The following SORCS2 variants were observed in gnomAD, a reference collection of about 807,000 sequenced individuals.
SORCS2 encodes VPS10 domain-containing receptor SorCS2.
A neutral mutation model predicts 141.6 loss-of-function variants in SORCS2; 100 were observed. The ratio of observed to expected loss-of-function variants is 0.71; its 90% CI spans 0.60 to 0.83. SORCS2 has a LOEUF of 0.83. Among genes scored for constraint, SORCS2 ranks in the 40% least tolerant of loss-of-function variants. The pLI, the probability that SORCS2 is intolerant of heterozygous loss-of-function variation, is 0.00. For synonymous variants in SORCS2, 789 were observed against 676.9 expected, an observed-to-expected ratio of 1.17 and a Z score of -2.57; for missense variants, 1,646 against 1,560.2, an observed-to-expected ratio of 1.05 and a Z score of -0.93.
At chr4:7,490,643 C>G (rs1202981297) in intron 2 of SORCS2, among the ~76,000 whole-genome samples, 1 of 152,172 alleles carries the variant, frequency 6.6e-6, no homozygotes, top group Admixed American at 6.5e-5. Context: ...TCAGATAGCT[C>G]AGTTCCCAGT....
chr4:7,524,493 G>A (rs1045492103), intron 2 of SORCS2, among the ~76,000 whole-genome samples: 3 of 151,874 alleles, frequency 2.0e-5, no homozygotes, highest in Non-Finnish European at 2.9e-5. Flanking sequence ...CCTCCCCAGC[G>A]CCCCTCTAGA....
chr4:7,543,417 A>ATCCATCCG (rs1277357980), intron 3 of SORCS2, among the ~76,000 whole-genome samples: 4 of 24,896 alleles, frequency 1.6e-4, no homozygotes, highest in Non-Finnish European at 4.8e-4. Flanking sequence ...CCATCCATCT[A>ATCCATCCG]TCCATCCATC....
intron 4 of SORCS2, among the ~76,000 whole-genome samples, chr4:7,652,031 C>T (rs1310802807): frequency 2.0e-5 from 3 of 152,208 alleles, no homozygotes; most frequent in South Asian, 4.1e-4. Context: ...TTTGCGGTAG[C>T]GTTGCCAGCA....
intron 1 of SORCS2, among the ~76,000 whole-genome samples, chr4:7,380,955 G>T (rs1391678649): frequency 6.6e-6 from 1 of 151,802 alleles, no homozygotes; most frequent in Non-Finnish European, 1.5e-5. Context: ...GGTGGCAGGT[G>T]CCTGTAGTCC....
intron 2 of SORCS2, among the ~76,000 whole-genome samples, chr4:7,398,112 T>C (rs971815109): frequency 4.6e-5 from 7 of 152,200 alleles, no homozygotes; most frequent in Non-Finnish European, 1.0e-4. Context: ...TCTGCACTTA[T>C]ACGACGGAGT....
At position 7,193,050 on chromosome 4, in the gene SORCS2, T is replaced by G. The variant is rs749082637; in HGVS notation, c.404T>G (p.Ile135Ser). 2 of 1,540,624 alleles carry G rather than the reference T, an allele frequency of 1.3e-6. No homozygotes were observed. The highest frequency in any genetic ancestry group is 1.2e-5 in the South Asian group (1 of 84,672). ...GCTTCGCGGGCGCAGGTCTCGCTCA[T>G]CAGCACGTCGTTCGTGCTCAAGGGG... ...GVASRAQVSL[I>S]STSFVLKGDA... Residue 135 changes from isoleucine to serine, a missense_variant, in exon 1 of 27, where the codon ATC becomes AGC. Transcript: ENST00000507866. This position sits in a 1 kb window ranked among gnomAD's most constrained non-coding sequence, Gnocchi z 4.8.
chr4:7,626,381 T>G (rs976056403), intron 3 of SORCS2, among the ~76,000 whole-genome samples: 4 of 152,220 alleles, frequency 2.6e-5, no homozygotes, highest in African/African-American at 9.6e-5. Flanking sequence ...AAAATGTATT[T>G]AGTCATTCCA....
chr4:7,538,587 TCACACA>T (rs34526550), intron 3 of SORCS2, among the ~76,000 whole-genome samples: 5 of 150,570 alleles, frequency 3.3e-5, no homozygotes, highest in African/African-American at 4.9e-5. Context: ...AATATTAAAA[TCACACA>T]CACACACACA....
chr4:7,691,413 G>C (rs1347576037), intron 11 of SORCS2, among the ~76,000 whole-genome samples: 2 of 152,190 alleles, frequency 1.3e-5, no homozygotes, highest in South Asian at 2.1e-4. Context: ...AGAGTGCAGG[G>C]AGTGGCTGGA....
intron 12 of SORCS2, among the ~76,000 whole-genome samples, chr4:7,698,517 A>T (rs6816580): frequency 6.6e-6 from 1 of 152,158 alleles, no homozygotes; most frequent in Admixed American, 6.5e-5. Flanking sequence ...TAAAGGTCAC[A>T]TCTGTCCATT....
chr4:7,728,350 ATCAATT>A lies in SORCS2; in HGVS notation c.2875_2880del (p.Phe959_Gln960del). The A allele has an allele frequency of 6.2e-7, 1 of 1,611,514 alleles. No individual in the cohort carries two copies. The highest frequency in any genetic ancestry group is 8.5e-7 in the Non-Finnish European group (1 of 1,178,134). ...GTCTCCCTTCTCTGCGTCTTTCCAG[ATCAATT>A]TCAAGTCATGCCTCTGCAGTTTTCC... On this transcript the variant is annotated inframe_deletion and splice_region_variant, in exon 22 of 27. Transcript: ENST00000507866.
chr4:7,713,482 C>T (rs775052370), intron 15 of SORCS2, among the ~76,000 whole-genome samples: 7 of 152,126 alleles, frequency 4.6e-5, no homozygotes, highest in Non-Finnish European at 8.8e-5. Flanking sequence ...AAGACCATCA[C>T]GGTGGGTACA....
rs112497887 is a variant in SORCS2, at chr4:7,357,525, A to G, written c.481-38763A>G. 2.2e-3 allele frequency among the ~76,000 whole-genome samples: 335 copies of G among 152,340 alleles called. 3 individuals are homozygous for G. The highest frequency in any genetic ancestry group is 7.7e-3 in the African/African-American group (319 of 41,576). On this transcript the variant is annotated intron_variant, in intron 1 of 26. Coordinates refer to ENST00000507866, the MANE Select transcript of SORCS2 (RefSeq NM_020777.3). The stretch of plus-strand genomic sequence containing the variant: ...AAGTTTCCGGAGGCGTTGATTACGC[A>G]CTTCACGCGGAAATAATTGCTAATC...
At chr4:7,387,538 CACACATGCACAT>C (rs1723471690) in intron 1 of SORCS2, among the ~76,000 whole-genome samples, 1 of 150,108 alleles carries the variant, frequency 6.7e-6, no homozygotes, top group Non-Finnish European at 1.5e-5. Context: ...CACACATGCA[CACACATGCACAT>C]ACACATATGT....
chr4:7,672,328 T>G (rs1722848847), intron 8 of SORCS2, among the ~76,000 whole-genome samples: 1 of 152,148 alleles, frequency 6.6e-6, no homozygotes, highest in Admixed American at 6.5e-5. Flanking sequence ...AATATGATCA[T>G]CAACAGATGT....
intron 1 of SORCS2, among the ~76,000 whole-genome samples, chr4:7,221,927 A>AT (rs1728727033): frequency 1.3e-5 from 2 of 152,314 alleles, no homozygotes; most frequent in South Asian, 2.1e-4. Flanking sequence ...CGGAGCTTAT[A>AT]TTTTTTAGCA....
At chr4:7,485,311 A>G (rs561961682) in intron 2 of SORCS2, among the ~76,000 whole-genome samples, 1 of 152,342 alleles carries the variant, frequency 6.6e-6, no homozygotes, top group African/African-American at 2.4e-5. Flanking sequence ...CATGCTGCTT[A>G]GGGTGGATAG....
intron 3 of SORCS2, among the ~76,000 whole-genome samples, chr4:7,537,729 C>T (rs909346663): frequency 6.6e-6 from 1 of 152,116 alleles, no homozygotes; most frequent in Non-Finnish European, 1.5e-5. Flanking sequence ...AAAGGGCGGC[C>T]GGATGCAGTG....
rs192455335 is a variant in SORCS2 at position 7,542,728 on chromosome 4, A to G, written c.648+11099A>G. ...GACGCTGATGAGAATGGAGTCGCTC[A>G]CGTGATCCTCAGAGCAATGATCAGC... On this transcript the variant is annotated intron_variant, in intron 3 of 26. Transcript: ENST00000507866. Among the ~76,000 whole-genome samples the G allele has an allele frequency of 1.6e-4, 25 of 152,362 alleles. No homozygotes were observed. The East Asian group carries it at 4.0e-3, about 25-fold the overall frequency.
Sources: gnomAD v4.1 joint callset for allele counts (sites outside exome capture counted in the v4.1 genomes callset) on GRCh38, gnomAD v4.1.1 for gene constraint, Gnocchi (gnomAD v3.1) non-coding constraint, MANE v1.5 for transcripts, NCBI Gene and HGNC (gene_info 2026-07-23, HGNC 2026-07-21) for gene names.